Variants in SLX4IP observed in about 807,000 individuals in gnomAD.
SLX4IP encodes protein SLX4IP.
In SLX4IP, 34 loss-of-function variants were observed where a neutral mutation model predicts 32.9. The ratio of observed to expected loss-of-function variants is 1.03; its 90% CI spans 0.79 to 1.38. The LOEUF (loss-of-function observed/expected upper bound fraction) is 1.38, where lower values mean the gene tolerates loss of function less well. Ranked by LOEUF, SLX4IP falls within the 40% of genes most tolerant of loss-of-function variation. The pLI is 0.00. For synonymous variants in SLX4IP, 172 were observed against 171.7 expected (o/e 1.00, Z -0.01); for missense variants, 444 against 479.0 (o/e 0.93, Z 0.68).
At chr20:10,590,311 C>T (rs1332269401) in intron 4 of SLX4IP, among the ~76,000 whole-genome samples, 1 of 151,642 alleles carries the variant, frequency 6.6e-6, no homozygotes, top group Non-Finnish European at 1.5e-5. Flanking sequence ...TTGAGTCAAA[C>T]CCTTGAGTAT....
intron 2 of SLX4IP, among the ~76,000 whole-genome samples, chr20:10,461,224 G>C (rs527264244): frequency 2.0e-5 from 3 of 152,358 alleles, no homozygotes; most frequent in South Asian, 4.1e-4. Flanking sequence ...AAGTAGGGCA[G>C]ACCATCCTGG....
At chr20:10,457,766 G>A (rs1336416380) in intron 1 of SLX4IP, among the ~76,000 whole-genome samples, 1 of 151,310 alleles carries the variant, frequency 6.6e-6, no homozygotes, top group Admixed American at 6.6e-5. Context: ...AGTTTATGAG[G>A]GATTGGTTTA....
intron 2 of SLX4IP, among the ~76,000 whole-genome samples, chr20:10,502,573 C>A (rs2065728042): frequency 6.6e-6 from 1 of 150,948 alleles, no homozygotes; most frequent in African/African-American, 2.5e-5. Flanking sequence ...GTTTACTACT[C>A]CTGCTGCCTA....
chr20:10,607,556 C>T (rs983159468), intron 6 of SLX4IP, among the ~76,000 whole-genome samples: 4 of 152,272 alleles, frequency 2.6e-5, no homozygotes, highest in Non-Finnish European at 4.4e-5. Flanking sequence ...GGCCAAGGCT[C>T]AGGGTCAGAA....
chr20:10,489,790 A>C (rs2065605683), intron 2 of SLX4IP, among the ~76,000 whole-genome samples: 1 of 152,218 alleles, frequency 6.6e-6, no homozygotes, highest in African/African-American at 2.4e-5. Context: ...AATGGTTAAC[A>C]TGAGGACAGT....
At chr20:10,595,520 A>G (rs1004975566) in intron 4 of SLX4IP, among the ~76,000 whole-genome samples, 2 of 152,186 alleles carry the variant, frequency 1.3e-5, no homozygotes, top group African/African-American at 4.8e-5. Flanking sequence ...TCCTTTGCCA[A>G]ATTGCTGTTT....
intron 2 of SLX4IP, among the ~76,000 whole-genome samples, chr20:10,473,432 A>C (rs76762356): frequency 6.6e-6 from 1 of 152,206 alleles, no homozygotes; most frequent in African/African-American, 2.4e-5. Context: ...GGATTCGTAT[A>C]AAGTGTTTAG....
intron 2 of SLX4IP, among the ~76,000 whole-genome samples, chr20:10,462,462 C>G (rs1341116641): frequency 6.6e-6 from 1 of 152,194 alleles, no homozygotes; most frequent in Non-Finnish European, 1.5e-5. Context: ...AATCAAGAAT[C>G]AGAACACCCT....
At chr20:10,606,180 T>C (rs1472444966) in intron 6 of SLX4IP, among the ~76,000 whole-genome samples, 2 of 152,124 alleles carry the variant, frequency 1.3e-5, no homozygotes, top group African/African-American at 4.8e-5. Context: ...GATTAAAAAA[T>C]TATGATTAGA....
chr20:10,500,712 C>A (rs1288095158), intron 2 of SLX4IP, among the ~76,000 whole-genome samples: 2 of 152,126 alleles, frequency 1.3e-5, no homozygotes, highest in Non-Finnish European at 2.9e-5. Context: ...GACTGCACCT[C>A]TGCACTCTAG....
At chr20:10,559,038 A>G (rs920368950) in intron 3 of SLX4IP, among the ~76,000 whole-genome samples, 11 of 152,104 alleles carry the variant, frequency 7.2e-5, no homozygotes, top group African/African-American at 2.4e-4. Flanking sequence ...AATTTTAGCA[A>G]TCCTTGTTTC....
chr20:10,437,995 A>G (rs190538115), intron 1 of SLX4IP, among the ~76,000 whole-genome samples: 295 of 152,362 alleles, frequency 1.9e-3, no homozygotes, highest in African/African-American at 6.9e-3. Flanking sequence ...AAATTCATAC[A>G]AGAAAAATGC....
In SLX4IP at chr20:10,623,109, C is replaced by A; in HGVS notation, c.957C>A (p.Val319=). 1.2e-6 allele frequency: 2 copies of A among 1,614,148 alleles called. No homozygotes were observed. Among genetic ancestry groups the A allele is most frequent in the Non-Finnish European group, 8.5e-7 (1 of 1,180,034 alleles). Residue 319 remains valine, a synonymous_variant, in exon 8 of 8, where the codon GTC becomes GTA. Transcript: ENST00000334534. ...GRVSLGSDRL[V]PREIIVEKSK... is the part of the protein sequence containing the mutation. The stretch of plus-strand genomic sequence containing the variant: ...TTTCTCTTGGAAGTGATCGATTAGT[C>A]CCGAGAGAAATAATAGTGGAAAAAA...
intron 4 of SLX4IP, among the ~76,000 whole-genome samples, chr20:10,582,753 T>G (rs2122527638): frequency 6.6e-6 from 1 of 152,314 alleles, no homozygotes; most frequent in Non-Finnish European, 1.5e-5. Flanking sequence ...TGTTATCTAC[T>G]TAGAAAAATT....
intron 3 of SLX4IP, among the ~76,000 whole-genome samples, chr20:10,559,519 G>A (rs556577437): frequency 6.6e-6 from 1 of 152,248 alleles, no homozygotes; most frequent in African/African-American, 2.4e-5. Flanking sequence ...CAGTCTTTGG[G>A]AATTAAACAG....
rs138813003 is a variant in SLX4IP at position 10,508,827 on chromosome 20, C to T, written c.28-47404C>T. ...GCTGGGGCCTGGGAAAGGAGATAGT[C>T]AAATTAAGTAAATTCTGGGTACAGC... On this transcript the variant is annotated intron_variant, in intron 2 of 7. Coordinates refer to ENST00000334534, the MANE Select transcript of SLX4IP (RefSeq NM_001009608.3). Among the ~76,000 whole-genome samples the T allele has an allele frequency of 4.0e-3, 615 of 152,230 alleles. 6 individuals carry two copies. Among genetic ancestry groups the T allele is most frequent in the African/African-American group, 0.014 (570 of 41,522 alleles).
At chr20:10,526,076 G>A (rs559321869) in intron 2 of SLX4IP, among the ~76,000 whole-genome samples, 1 of 152,100 alleles carries the variant, frequency 6.6e-6, no homozygotes, top group African/African-American at 2.4e-5. Context: ...TGCATTTCCG[G>A]TCTCACCTTC....
chr20:10,538,564 C>T (rs544984908), intron 2 of SLX4IP, among the ~76,000 whole-genome samples: 3 of 151,030 alleles, frequency 2.0e-5, no homozygotes, highest in Middle Eastern at 3.4e-3. Context: ...CTCACTCTGT[C>T]GCCCAGGCTG....
chr20:10,484,673 G>A (rs115464621), intron 2 of SLX4IP, among the ~76,000 whole-genome samples: 177 of 152,230 alleles, frequency 1.2e-3, no homozygotes, highest in African/African-American at 4.1e-3. Context: ...GAAAGAATAA[G>A]TAAGACATAG....
Sources: allele counts gnomAD v4.1 joint callset (sites outside exome capture counted in the v4.1 genomes callset), GRCh38; gene constraint gnomAD v4.1.1; transcripts MANE v1.5; gene names NCBI Gene and HGNC (gene_info 2026-07-23, HGNC 2026-07-21).